LRRFIP1: variants seen among roughly 807,000 people sequenced by gnomAD.
LRRFIP1 encodes the protein leucine-rich repeat flightless-interacting protein 1.
In LRRFIP1, 62 loss-of-function variants were observed where a neutral mutation model predicts 104.4. The observed-to-expected ratio is 0.59, with a 90% CI of 0.48 to 0.73. The LOEUF is 0.73. Among genes scored for constraint, LRRFIP1 ranks in the 30% least tolerant of loss-of-function variants. The pLI is 0.00. For synonymous variants in LRRFIP1, 300 were observed against 299.0 expected, an observed-to-expected ratio of 1.00 and a Z score of -0.03; for missense variants, 796 against 824.5, an observed-to-expected ratio of 0.97 and a Z score of 0.42.
At chr2:237,773,995 G>T in intron 22 of LRRFIP1, 1 of 193,882 alleles carries the variant, frequency 5.2e-6, no homozygotes. Context: ...GGAGAGATTA[G>T]ACTGGAGCTG....
At position 237,779,459 on chromosome 2, in the gene LRRFIP1, T is replaced by C. The variant is rs768820687; in HGVS notation, c.1850T>C (p.Val617Ala). 1 of 1,613,836 alleles carries C rather than the reference T, an allele frequency of 6.2e-7. No individual in the cohort carries two copies. The highest frequency in any genetic ancestry group is 1.7e-5 in the Admixed American group (1 of 60,024). The change falls in exon 24 of 24, where the codon GTG (valine) becomes GCG (alanine). Residue 617 changes from valine (V) to alanine (A), a missense_variant. By Grantham distance (64) the Val-to-Ala change is moderately conservative. Coordinates refer to ENST00000308482, the MANE Select transcript of LRRFIP1 (RefSeq NM_001137550.2). ...TTGGATAAAACAGAAGAGCTCGAGG[T>C]GAGCAACGGCCACTTAGTGAAGCGT... ...SALDKTEELE[V>A]SNGHLVKRLE...
At chr2:237,721,069 T>C (rs2094521470) in intron 6 of LRRFIP1, 3 of 459,356 alleles carry the variant, frequency 6.5e-6, no homozygotes, top group African/African-American at 3.9e-5. Flanking sequence ...TTTTTTTCAA[T>C]ACTTATCCAC....
At chr2:237,737,066 C>T (rs913500925) in intron 10 of LRRFIP1, among the ~76,000 whole-genome samples, 3 of 152,194 alleles carry the variant, frequency 2.0e-5, no homozygotes, top group Non-Finnish European at 4.4e-5. Context: ...CCCAGGCCTG[C>T]ACAGACAGCC....
intron 19 of LRRFIP1, chr2:237,763,281 C>T (rs1463332599): frequency 6.2e-7 from 1 of 1,614,112 alleles, no homozygotes. Flanking sequence ...GGTTCTCCAG[C>T]AGGAACTGAG....
At position 237,774,338 on chromosome 2, in the gene LRRFIP1, G is replaced by T. The variant is rs768340135; in HGVS notation, c.1708-20G>T. On this transcript the variant is annotated intron_variant, in intron 22 of 23. Coordinates refer to ENST00000308482, the MANE Select transcript of LRRFIP1 (RefSeq NM_001137550.2). ...ACAGGCTTATCAATTTATACATATG[G>T]TTTTTTTTCTACCTTTTAGGTAATA... 26 of 1,470,898 alleles carry T rather than the reference G, an allele frequency of 1.8e-5. No homozygotes were observed. The highest frequency in any genetic ancestry group is 2.8e-5 in the African/African-American group (2 of 71,230). 91.1% of individuals were successfully genotyped at this position (1,470,898 alleles called of 1,614,324 possible). A position where few individuals can be genotyped will look rare whatever the true frequency, so the allele number is the denominator to read the frequency against.
chr2:237,666,063 C>T lies in LRRFIP1; in HGVS notation c.96+38323C>T, dbSNP rs117772864. ...GACGGCCCCACCCTGGCTGCACCAC[C>T]GATTGTCCACATGACCTCAAGCAGG... On this transcript the variant is annotated intron_variant, in intron 1 of 23. Transcript: ENST00000308482. Among the ~76,000 whole-genome samples, 328 of 152,342 alleles carry T rather than the reference C, an allele frequency of 2.2e-3. 4 individuals are homozygous for T. In the East Asian group the frequency reaches 0.025, roughly 11 times the overall value.
chr2:237,647,255 T>C (rs4663774), intron 1 of LRRFIP1, among the ~76,000 whole-genome samples: 93,306 of 151,704 alleles, frequency 0.62, 30,011 homozygotes, highest in African/African-American at 0.78. Flanking sequence ...TGGAGGCCAT[T>C]GGCGGTGTGC....
chr2:237,721,128 G>C (rs1044970195), intron 6 of LRRFIP1: 3 of 299,682 alleles, frequency 1.0e-5, no homozygotes, highest in Non-Finnish European at 1.9e-5. Flanking sequence ...CAGCACATTG[G>C]TGTTCCACAG....
chr2:237,773,536 A>AAAAAT (rs748878653), intron 22 of LRRFIP1, among the ~76,000 whole-genome samples: 12 of 152,138 alleles, frequency 7.9e-5, no homozygotes, highest in Non-Finnish European at 1.5e-4. Flanking sequence ...ACTCTGTCTC[A>AAAAAT]AAAATAAAAT....
At chr2:237,754,665 T>C (rs967041984) in intron 15 of LRRFIP1, among the ~76,000 whole-genome samples, 2 of 152,192 alleles carry the variant, frequency 1.3e-5, no homozygotes, top group Admixed American at 6.5e-5. Context: ...CTTCGACTGC[T>C]ATAGAATTGA....
At chr2:237,638,176 G>A (rs1418049445) in intron 1 of LRRFIP1, among the ~76,000 whole-genome samples, 1 of 152,192 alleles carries the variant, frequency 6.6e-6, no homozygotes, top group Non-Finnish European at 1.5e-5. Context: ...GAATCAGTGG[G>A]AGCCAAGAGC....
chr2:237,680,092 A>G (rs1436665224), intron 1 of LRRFIP1, among the ~76,000 whole-genome samples: 1 of 152,244 alleles, frequency 6.6e-6, no homozygotes. Context: ...ACACGGATCC[A>G]TCCCCAAATA....
intron 16 of LRRFIP1, among the ~76,000 whole-genome samples, chr2:237,756,764 C>A (rs140267733): frequency 2.0e-5 from 3 of 152,134 alleles, no homozygotes; most frequent in African/African-American, 7.2e-5. Context: ...GAATAATGGT[C>A]CCCCGAAGTT....
intron 1 of LRRFIP1, among the ~76,000 whole-genome samples, chr2:237,696,962 T>G (rs2093227751): frequency 6.6e-6 from 1 of 152,190 alleles, no homozygotes; most frequent in Non-Finnish European, 1.5e-5. Context: ...TCTGTCAAAC[T>G]TTTCTGTTCT....
At chr2:237,769,822 C>T (rs537110060) in intron 19 of LRRFIP1, 121 bp from the exon 20 acceptor site, 19 of 759,342 alleles carry the variant, frequency 2.5e-5, no homozygotes, top group South Asian at 2.2e-4. Context: ...CACCGTGGTA[C>T]GTGTATAACT....
At chr2:237,694,167 AC>A (rs1313084353) in intron 1 of LRRFIP1, among the ~76,000 whole-genome samples, 2 of 152,098 alleles carry the variant, frequency 1.3e-5, no homozygotes, top group African/African-American at 2.4e-5. Context: ...GAATTTTCTT[AC>A]GTTTCTCTGC....
Position 237,627,705 on chromosome 2 carries a change from G to T in LRRFIP1, c.61G>T (p.Ala21Ser). 3.7e-6 allele frequency: 5 copies of T among 1,369,112 alleles called. No homozygotes were observed. Among genetic ancestry groups the T allele is most frequent in the Non-Finnish European group, 4.8e-6 (5 of 1,049,616 alleles). The allele number at this position is 1,369,112 out of a possible 1,614,324, so 84.8% of individuals were successfully genotyped here. ...KRLPNRERLT[A>S]EDDALNQIAR... Reference sequence around the variant, plus strand: ...GCTCCCCAACCGGGAGCGGCTCACGGCGGAGGACGACGCGCTCAACCAGAT... The same window carrying T: ...GCTCCCCAACCGGGAGCGGCTCACGTCGGAGGACGACGCGCTCAACCAGAT... Residue 21 changes from alanine to serine, a missense_variant, in exon 1 of 24, where the codon GCG (alanine) becomes TCG (serine). Coordinates refer to ENST00000308482, the MANE Select transcript of LRRFIP1 (RefSeq NM_001137550.2).
rs1323635172 is a variant in LRRFIP1 at position 237,691,682 on chromosome 2, G to A, written c.97-16862G>A. On this transcript the variant is annotated intron_variant, in intron 1 of 23. Transcript: ENST00000308482. This position sits in a 1 kb window ranked among gnomAD's most constrained non-coding sequence, Gnocchi z 5.4. ...AACTCATACCCTCGCCCAGCCCCGG[G>A]CAGGTCCCCCCCCGGAGGGGACCCC... Among the ~76,000 whole-genome samples, 2 of 151,976 alleles carry A rather than the reference G, an allele frequency of 1.3e-5. No individual in the cohort carries two copies. Among genetic ancestry groups the A allele is most frequent in the Non-Finnish European group, 2.9e-5 (2 of 67,982 alleles).
chr2:237,753,540 A>G, intron 15 of LRRFIP1, 61 bp downstream of exon 15: 1 of 1,414,864 alleles, frequency 7.1e-7, no homozygotes, highest in Non-Finnish European at 9.4e-7. Context: ...CCATGCCTGT[A>G]ATTCTGGTAC....
Sources: gnomAD v4.1 joint callset for allele counts (sites outside exome capture counted in the v4.1 genomes callset) on GRCh38, gnomAD v4.1.1 for gene constraint, Gnocchi (gnomAD v3.1) non-coding constraint, MANE v1.5 for transcripts, NCBI Gene and HGNC (gene_info 2026-07-23, HGNC 2026-07-21) for gene names.